Variants in SERPINB11 observed in about 807,000 individuals in gnomAD.
The protein encoded by SERPINB11 is serpin family B member 11.
Under a neutral mutation model 36.7 loss-of-function variants are expected in SERPINB11, and 32 were observed. The ratio of observed to expected loss-of-function variants is 0.87; its 90% CI spans 0.66 to 1.17. The LOEUF (loss-of-function observed/expected upper bound fraction) is 1.17, where lower values mean the gene tolerates loss of function less well. SERPINB11 is among the 50% of genes most tolerant of loss of function. The probability of loss-of-function intolerance (pLI) is 0.00; values close to 1 mark genes in which losing one functional copy is unlikely to be tolerated. For missense variants in SERPINB11, 528 were observed against 458.4 expected (o/e 1.15, Z -1.39); for synonymous variants, 174 against 168.1 (o/e 1.04, Z -0.27).
intron 1 of SERPINB11, among the ~76,000 whole-genome samples, chr18:63,709,928 C>A (rs1239460352): frequency 6.6e-6 from 1 of 152,130 alleles, no homozygotes; most frequent in Non-Finnish European, 1.5e-5. Context: ...AAAATATACA[C>A]AAATGATAGT....
intron 5 of SERPINB11, among the ~76,000 whole-genome samples, chr18:63,717,489 C>A (rs1196716676): frequency 6.6e-6 from 1 of 151,986 alleles, no homozygotes; most frequent in East Asian, 1.9e-4. Context: ...TTTGCCCAAA[C>A]AAGAAATGAG....
chr18:63,707,632 G>C (rs1467164098), intron 1 of SERPINB11, among the ~76,000 whole-genome samples: 3 of 152,150 alleles, frequency 2.0e-5, no homozygotes, highest in African/African-American at 7.2e-5. Context: ...CCTCCAGGAA[G>C]GCTAACTATA....
rs913829887 is a variant in SERPINB11, at chr18:63,723,452, C to G, written c.*53C>G. On this transcript the variant is annotated 3_prime_UTR_variant, in exon 8 of 8. Coordinates refer to ENST00000544088, the MANE Select transcript of SERPINB11 (RefSeq NM_001370475.1). ...TTGCAGATGAGGTGCAGAGACAATCCTGTGACTTTCCCACGGCCAAAAAGC... is the reference window on the plus strand; with the variant it reads ...TTGCAGATGAGGTGCAGAGACAATCGTGTGACTTTCCCACGGCCAAAAAGC... 2.0e-5 allele frequency: 30 copies of G among 1,505,754 alleles called. No individual in the cohort carries two copies. The African/African-American group carries it at 3.6e-4, about 18-fold the overall frequency. The allele number at this position is 1,505,754 out of a possible 1,614,324, so 93.3% of individuals were successfully genotyped here.
chr18:63,708,833 G>C (rs535106765), intron 1 of SERPINB11, among the ~76,000 whole-genome samples: 1 of 152,308 alleles, frequency 6.6e-6, no homozygotes, highest in Admixed American at 6.5e-5. Flanking sequence ...CTCAAGATCT[G>C]AATTCTGTTT....
chr18:63,720,361 T>A, intron 6 of SERPINB11: 1 of 542,558 alleles, frequency 1.8e-6, no homozygotes, highest in East Asian at 3.5e-5. Flanking sequence ...AGACTTGGGA[T>A]ACTAAGATTC....
intron 2 of SERPINB11, among the ~76,000 whole-genome samples, chr18:63,710,776 G>T (rs1179240531): frequency 6.6e-6 from 1 of 152,182 alleles, no homozygotes; most frequent in East Asian, 1.9e-4. Context: ...GTTAGGAATT[G>T]TTATCCACAC....
In SERPINB11 at chr18:63,711,380, A is replaced by G; in HGVS notation, c.214A>G (p.Lys72Glu). 1.2e-6 allele frequency: 2 copies of G among 1,608,344 alleles called. No individual in the cohort carries two copies. The highest frequency in any genetic ancestry group is 1.7e-6 in the Non-Finnish European group (2 of 1,175,346). The change falls in exon 3 of 8, where the codon AAG (lysine) becomes GAG (glutamate). Residue 72 changes from lysine to glutamate, a missense_variant. Lys to Glu is a moderately conservative substitution (Grantham distance 56). Transcript: ENST00000544088. ...HTVDSLKPGF[K>E]DSPKCSQAGR... is the part of the protein sequence containing the mutation. ...TGTAGACTCATTAAAACCAGGGTTC[A>G]AGGACTCACCTAAGGTATGATAATA...
At chr18:63,721,354 G>GA (rs11370708) in intron 7 of SERPINB11, among the ~76,000 whole-genome samples, 56,446 of 151,986 alleles carry the variant, frequency 0.37, 11,328 homozygotes, top group East Asian at 0.61. Flanking sequence ...ATTTTACTCT[G>GA]GGGGCAGTAT....
intron 3 of SERPINB11, among the ~76,000 whole-genome samples, chr18:63,711,993 C>T (rs940875416): frequency 1.3e-5 from 2 of 152,062 alleles, no homozygotes; most frequent in East Asian, 3.9e-4. Context: ...GTTTAGGAAC[C>T]ATTTGCTTTA....
At chr18:63,704,791 A>G (rs1914328397) in intron 1 of SERPINB11, among the ~76,000 whole-genome samples, 1 of 152,202 alleles carries the variant, frequency 6.6e-6, no homozygotes, top group African/African-American at 2.4e-5. Flanking sequence ...TAGTACTGGC[A>G]CATACATGAA....
intron 1 of SERPINB11, among the ~76,000 whole-genome samples, chr18:63,705,963 C>T (rs1284156326): frequency 1.3e-5 from 2 of 152,132 alleles, no homozygotes; most frequent in Non-Finnish European, 2.9e-5. Context: ...ATACAGAGAG[C>T]TGTATTAAAA....
intron 1 of SERPINB11, among the ~76,000 whole-genome samples, chr18:63,706,127 C>A (rs891009478): frequency 2.0e-5 from 3 of 152,188 alleles, no homozygotes; most frequent in Non-Finnish European, 4.4e-5. Flanking sequence ...GGTCCTATTA[C>A]ACTGTGCTGG....
intron 4 of SERPINB11, among the ~76,000 whole-genome samples, chr18:63,714,691 G>A (rs1914621457): frequency 6.6e-6 from 1 of 152,110 alleles, no homozygotes; most frequent in African/African-American, 2.4e-5. Context: ...AGATCTAATG[G>A]TTATCTCCCT....
chr18:63,709,987 T>C (rs1157707464), intron 1 of SERPINB11, among the ~76,000 whole-genome samples, 192 bp from the exon 2 acceptor site: 1 of 152,238 alleles, frequency 6.6e-6, no homozygotes, highest in Non-Finnish European at 1.5e-5. Context: ...CTTCTGTTCA[T>C]TGGAATGTAA....
chr18:63,716,952 C>T (rs2091451928), intron 5 of SERPINB11, among the ~76,000 whole-genome samples: 1 of 152,022 alleles, frequency 6.6e-6, no homozygotes, highest in African/African-American at 2.4e-5. Flanking sequence ...GATAAATTAT[C>T]ACAAAGTGAA....
chr18:63,710,734 A>C (rs1914501843), intron 2 of SERPINB11, among the ~76,000 whole-genome samples: 2 of 152,220 alleles, frequency 1.3e-5, no homozygotes, highest in South Asian at 4.1e-4. Flanking sequence ...CAAGTTAAAA[A>C]ATTTTCATGA....
chr18:63,720,783 T>A, intron 6 of SERPINB11, 48 bp from the exon 7 acceptor site: 1 of 1,375,120 alleles, frequency 7.3e-7, no homozygotes, highest in South Asian at 1.3e-5. Flanking sequence ...TACACACACA[T>A]GTGCACTCAC....
intron 1 of SERPINB11, among the ~76,000 whole-genome samples, chr18:63,707,558 TC>T (rs1914403767): frequency 6.6e-6 from 1 of 152,222 alleles, no homozygotes; most frequent in Non-Finnish European, 1.5e-5. Flanking sequence ...GGAGTGCTCT[TC>T]TTACATGTAT....
chr18:63,712,450 G>T, intron 3 of SERPINB11, 115 bp from the exon 4 acceptor site: 2 of 1,030,154 alleles, frequency 1.9e-6, no homozygotes, highest in Non-Finnish European at 2.8e-6. Context: ...TAATTTCCTT[G>T]TATTCACAGC....
Sources: gnomAD v4.1 joint callset for allele counts (sites outside exome capture counted in the v4.1 genomes callset) on GRCh38, gnomAD v4.1.1 for gene constraint, MANE v1.5 for transcripts, NCBI Gene and HGNC (gene_info 2026-07-23, HGNC 2026-07-21) for gene names.